Variants in COA8 observed in about 807,000 individuals in gnomAD.
COA8 encodes UPF0671 protein C14orf153.
In COA8, 20 loss-of-function variants were observed where a neutral mutation model predicts 22.0. The ratio of observed to expected loss-of-function variants is 0.91; its 90% CI spans 0.64 to 1.32. The LOEUF (loss-of-function observed/expected upper bound fraction) is 1.32, where lower values mean the gene tolerates loss of function less well. COA8 is among the 40% of genes most tolerant of loss of function. The pLI is 0.00. For missense variants in COA8, 266 were observed against 230.0 expected (o/e 1.16, Z -1.01); for synonymous variants, 105 against 79.9 (o/e 1.31, Z -1.68).
At chr14:103,578,694 C>T (rs770419019) in intron 3 of COA8, among the ~76,000 whole-genome samples, 13 of 152,180 alleles carry the variant, frequency 8.5e-5, no homozygotes, top group Non-Finnish European at 1.6e-4. Context: ...CCCTGCTTAG[C>T]AGATATTACA....
At chr14:103,579,843 A>T (rs2076254299) in intron 3 of COA8, among the ~76,000 whole-genome samples, 1 of 150,842 alleles carries the variant, frequency 6.6e-6, no homozygotes, top group African/African-American at 2.4e-5. Flanking sequence ...TATGCCTGTA[A>T]TCCCAGCTAC....
chr14:103,577,470 A>G (rs2076237731), intron 3 of COA8, among the ~76,000 whole-genome samples: 1 of 152,214 alleles, frequency 6.6e-6, no homozygotes, highest in East Asian at 1.9e-4. Flanking sequence ...GCGGAGTTAC[A>G]TCAAAGGTGG....
chr14:103,582,402 C>T (rs535504979), intron 3 of COA8, among the ~76,000 whole-genome samples: 5 of 152,310 alleles, frequency 3.3e-5, no homozygotes, highest in Admixed American at 6.5e-5. Flanking sequence ...TGAGCCTGAG[C>T]GTGGCCACCG....
Position 103,587,148 on chromosome 14 carries a change from A to G in COA8, c.386-126A>G, listed in dbSNP as rs1451491412. On this transcript the variant is annotated intron_variant, in intron 3 of 4. Transcript: ENST00000409074. ...TTCATTGCTAGTGTATAGAAATACA[A>G]TTGATGTTTGTATATTGGTCTTGTA... 1.4e-5 allele frequency: 8 copies of G among 588,452 alleles called. No individual in the cohort carries two copies. In the East Asian group the frequency reaches 2.2e-4, roughly 16 times the overall value. The allele number at this position is 588,452 out of a possible 1,614,324, so 36.5% of individuals were successfully genotyped here.
chr14:103,585,776 A>G (rs1023033533), intron 3 of COA8, among the ~76,000 whole-genome samples: 17 of 151,700 alleles, frequency 1.1e-4, no homozygotes, highest in Non-Finnish European at 2.1e-4. Flanking sequence ...GGGTTTCACC[A>G]TGTTGGCCAG....
intron 1 of COA8, among the ~76,000 whole-genome samples, chr14:103,564,711 C>G (rs566040121): frequency 6.6e-6 from 1 of 150,932 alleles, no homozygotes; most frequent in East Asian, 2.0e-4. Context: ...TTCCGAGTAG[C>G]TGGGACTACA....
chr14:103,569,623 A>T (rs2076165980), intron 1 of COA8, among the ~76,000 whole-genome samples: 1 of 152,142 alleles, frequency 6.6e-6, no homozygotes, highest in Non-Finnish European at 1.5e-5. Flanking sequence ...AGCTGCAGAC[A>T]CCCGGGTCAG....
At chr14:103,573,535 G>C (rs1212424153) in intron 2 of COA8, among the ~76,000 whole-genome samples, 1 of 151,780 alleles carries the variant, frequency 6.6e-6, no homozygotes, top group Non-Finnish European at 1.5e-5. Flanking sequence ...ATCATATTCT[G>C]TGGAGGGTTT....
chr14:103,582,104 G>A (rs1302108116), intron 3 of COA8, among the ~76,000 whole-genome samples: 2 of 151,402 alleles, frequency 1.3e-5, no homozygotes, highest in African/African-American at 2.4e-5. Context: ...TGGCCTCCGC[G>A]CCTCCTCATG....
At chr14:103,574,043 A>T in intron 2 of COA8, 64 bp from the exon 3 acceptor site, 1 of 1,513,588 alleles carries the variant, frequency 6.6e-7, no homozygotes, top group Admixed American at 2.2e-5. Flanking sequence ...CTAGCCAAAG[A>T]AAAATGGAAA....
intron 3 of COA8, among the ~76,000 whole-genome samples, chr14:103,580,800 T>G (rs548220133): frequency 1.3e-3 from 191 of 144,760 alleles, no homozygotes; most frequent in Non-Finnish European, 2.1e-3. Flanking sequence ...GCCTGTTGTT[T>G]TTTTTTTTTT....
At chr14:103,579,533 G>C (rs2076251866) in intron 3 of COA8, 1 of 153,306 alleles carries the variant, frequency 6.5e-6, no homozygotes, top group African/African-American at 2.4e-5. Flanking sequence ...ATTTTTAGTA[G>C]AGGCAGGGTT....
chr14:103,590,117 G>A (rs1251668617), intron 4 of COA8, 64 bp from the exon 5 acceptor site: 25 of 1,415,828 alleles, frequency 1.8e-5, no homozygotes, highest in East Asian at 4.6e-5. Flanking sequence ...GCCACTTCTG[G>A]GCCAGGGCAC....
chr14:103,562,991 G>T lies in COA8; in HGVS notation c.-11G>T. 1 of 1,548,326 alleles carries T rather than the reference G, an allele frequency of 6.5e-7. No individual in the cohort carries two copies. The highest frequency in any genetic ancestry group is 1.4e-5 in the African/African-American group (1 of 73,098). ...CTGCCGTGCGCCGCGGGAGCCAGGG[G>T]GCGTGGGGCCATGGTGGTCTTGCGG... On this transcript the variant is annotated 5_prime_UTR_variant, in exon 1 of 5. Transcript: ENST00000409074.
intron 3 of COA8, among the ~76,000 whole-genome samples, chr14:103,585,826 G>A (rs901634585): frequency 2.0e-5 from 3 of 151,270 alleles, no homozygotes; most frequent in East Asian, 2.0e-4. Flanking sequence ...CACTTGCCTC[G>A]GCCTCCCAAA....
intron 3 of COA8, among the ~76,000 whole-genome samples, chr14:103,577,327 C>T (rs1479358105): frequency 6.6e-6 from 1 of 151,988 alleles, no homozygotes; most frequent in Non-Finnish European, 1.5e-5. Flanking sequence ...CTTCTCATCT[C>T]AGTCTCCCAA....
At chr14:103,568,923 C>T (rs1376443364) in intron 1 of COA8, among the ~76,000 whole-genome samples, 2 of 152,076 alleles carry the variant, frequency 1.3e-5, no homozygotes, top group Non-Finnish European at 2.9e-5. Context: ...TGAGCCACCG[C>T]GCCCGGCTGA....
intron 3 of COA8, among the ~76,000 whole-genome samples, chr14:103,577,139 C>T (rs1292216600): frequency 6.6e-6 from 1 of 152,110 alleles, no homozygotes; most frequent in Admixed American, 6.6e-5. Context: ...GGCGTGATCT[C>T]GGCTCACTGC....
chr14:103,588,127 A>AAC (rs1555414237), intron 4 of COA8: 90 of 311,146 alleles, frequency 2.9e-4, no homozygotes, highest in African/African-American at 1.9e-3. Flanking sequence ...AAAAAAAAAA[A>AAC]AAAAAAAAAA....
Sources: allele counts gnomAD v4.1 joint callset (sites outside exome capture counted in the v4.1 genomes callset), GRCh38; gene constraint gnomAD v4.1.1; transcripts MANE v1.5; gene names NCBI Gene and HGNC (gene_info 2026-07-23, HGNC 2026-07-21).